ACAD10: variants seen among roughly 807,000 people sequenced by gnomAD.
ACAD10 encodes acyl-CoA dehydrogenase family member 10.
In ACAD10, 112 loss-of-function variants were observed where a neutral mutation model predicts 116.8. That is an observed-to-expected ratio of 0.96 (90% confidence interval 0.82 to 1.12). ACAD10 has a LOEUF of 1.12. Ranked by LOEUF, ACAD10 falls within the 50% of genes most tolerant of loss-of-function variation. The pLI, the probability that ACAD10 is intolerant of heterozygous loss-of-function variation, is 0.00. For missense variants in ACAD10, 1,259 were observed against 1,350.2 expected, an observed-to-expected ratio of 0.93 and a Z score of 1.06; for synonymous variants, 486 against 510.6, an observed-to-expected ratio of 0.95 and a Z score of 0.65.
intron 12 of ACAD10, among the ~76,000 whole-genome samples, chr12:111,739,099 A>G (rs1219131294): frequency 6.6e-6 from 1 of 152,200 alleles, no homozygotes; most frequent in Non-Finnish European, 1.5e-5. Context: ...CTAGAGAAGT[A>G]TCCTGGACAG....
chr12:111,691,156 C>T (rs534233216), intron 1 of ACAD10: 6 of 152,134 alleles, frequency 3.9e-5, no homozygotes, highest in African/African-American at 9.6e-5. Flanking sequence ...TCTCTATACA[C>T]GAGTGTATAT....
chr12:111,746,091 A>G (rs556081152), intron 13 of ACAD10, 53 bp from the exon 14 acceptor site: 2 of 1,591,434 alleles, frequency 1.3e-6, no homozygotes, highest in East Asian at 2.2e-5. Context: ...CCACGGTTCA[A>G]AATAAAATGA....
At chr12:111,743,058 A>G (rs988126983) in intron 12 of ACAD10, among the ~76,000 whole-genome samples, 1 of 152,210 alleles carries the variant, frequency 6.6e-6, no homozygotes, top group Admixed American at 6.5e-5. Context: ...AGAACTATCA[A>G]TTTATCCATT....
chr12:111,752,898 C>G (rs1465940678), intron 18 of ACAD10: 1 of 148,366 alleles, frequency 6.7e-6, no homozygotes, highest in East Asian at 2.0e-4. Flanking sequence ...AATCCCAACA[C>G]TTGGGGAGAC....
chr12:111,690,800 G>C (rs1217799303), intron 1 of ACAD10, among the ~76,000 whole-genome samples: 1 of 140,954 alleles, frequency 7.1e-6, no homozygotes, highest in Admixed American at 7.0e-5. Context: ...AAAAAAAAAA[G>C]AGTTTCTGAT....
intron 8 of ACAD10, among the ~76,000 whole-genome samples, chr12:111,724,835 AAG>A (rs1479947389): frequency 6.8e-6 from 1 of 147,450 alleles, no homozygotes; most frequent in Non-Finnish European, 1.5e-5. Flanking sequence ...AGACCGTGGA[AAG>A]AGAGGGAGAG....
At chr12:111,703,359 G>A (rs1888405847) in intron 3 of ACAD10, among the ~76,000 whole-genome samples, 1 of 152,046 alleles carries the variant, frequency 6.6e-6, no homozygotes, top group Non-Finnish European at 1.5e-5. Flanking sequence ...CTTTTTTAAA[G>A]CAATAATAAT....
intron 12 of ACAD10, among the ~76,000 whole-genome samples, chr12:111,740,240 G>GATC (rs1277026118): frequency 1.3e-5 from 2 of 152,190 alleles, no homozygotes; most frequent in Non-Finnish European, 2.9e-5. Context: ...GAAGTAGGTG[G>GATC]ATCACCTGAG....
chr12:111,707,783 C>T (rs1888552220), intron 4 of ACAD10, among the ~76,000 whole-genome samples: 1 of 152,180 alleles, frequency 6.6e-6, no homozygotes, highest in Non-Finnish European at 1.5e-5. Flanking sequence ...TGTATTTGTA[C>T]CCTTCGTTGG....
At position 111,747,125 on chromosome 12, in the gene ACAD10, G is replaced by A. The variant is rs775714851; in HGVS notation, c.2333G>A (p.Arg778His). 1.2e-6 allele frequency: 2 copies of A among 1,613,298 alleles called. No individual in the cohort carries two copies. The highest frequency in any genetic ancestry group is 1.7e-6 in the Non-Finnish European group (2 of 1,179,454). Reference protein sequence around the residue: ...VRYGTEAQKARWLIPLLEGKA... With the variant: ...VRYGTEAQKAHWLIPLLEGKA... ...TATGGCACCGAAGCGCAGAAGGCTC[G>A]CTGGCTGATTCCTCTGCTGGAGGGG... Residue 778 changes from arginine to histidine, a missense_variant, in exon 15 of 21, where the codon CGC (arginine) becomes CAC (histidine). Arg to His is a conservative substitution (Grantham distance 29). Coordinates refer to ENST00000313698, the MANE Select transcript of ACAD10 (RefSeq NM_025247.6).
At chr12:111,692,034 T>C (rs1888058985) in intron 1 of ACAD10, among the ~76,000 whole-genome samples, 1 of 152,154 alleles carries the variant, frequency 6.6e-6, no homozygotes, top group East Asian at 1.9e-4. Flanking sequence ...AATGGCACGA[T>C]CTTGGCTCAC....
At chr12:111,749,064 T>A in intron 17 of ACAD10, 109 bp from the exon 18 acceptor site, 1 of 1,613,268 alleles carries the variant, frequency 6.2e-7, no homozygotes, top group Non-Finnish European at 8.5e-7. Context: ...GAAGGCTAAA[T>A]AAAGGGCAGG....
chr12:111,716,029 C>T, intron 7 of ACAD10, 67 bp downstream of exon 7: 3 of 1,592,044 alleles, frequency 1.9e-6, no homozygotes, highest in South Asian at 1.1e-5. Context: ...CAGCCCTAAA[C>T]TGAAAAGTCA....
chr12:111,746,993 C>T (rs1889922166), intron 14 of ACAD10, 56 bp from the exon 15 acceptor site: 1 of 1,519,220 alleles, frequency 6.6e-7, no homozygotes, highest in South Asian at 1.3e-5. Flanking sequence ...GAGCTTGACT[C>T]TGTTTTTTTT....
rs555529645 is a variant in ACAD10, at chr12:111,725,787, G to A, written c.1062-2175G>A. On this transcript the variant is annotated intron_variant, in intron 8 of 20. Coordinates refer to ENST00000313698, the MANE Select transcript of ACAD10 (RefSeq NM_025247.6). ...TGACCTCAAGTGATCCATCCGCCTC[G>A]GCCTCCCAAAGTGCTGGATTACAGG... is the stretch of plus-strand genomic sequence containing the variant. Among the ~76,000 whole-genome samples the A allele has an allele frequency of 7.5e-4, 113 of 151,600 alleles. 1 individual carries two copies. The highest frequency in any genetic ancestry group is 7.3e-3 in the South Asian group (35 of 4,786).
At chr12:111,735,478 C>T (rs759065687) in intron 11 of ACAD10, among the ~76,000 whole-genome samples, 20 of 149,088 alleles carry the variant, frequency 1.3e-4, no homozygotes, top group South Asian at 6.3e-4. Flanking sequence ...TTTTTTGAGA[C>T]GGAGTCTCGC....
Position 111,744,631 on chromosome 12 carries a change from G to T in ACAD10, c.1715-12G>T. ...GTGGGAGTAATCACTGTTTTTCTTT[G>T]ATTCTGCTTAGGGCAAGCAAGCTCC... On this transcript the variant is annotated splice_polypyrimidine_tract_variant and intron_variant, in intron 12 of 20. Transcript: ENST00000313698. 1.2e-6 allele frequency: 2 copies of T among 1,600,568 alleles called. No individual in the cohort carries two copies. The highest frequency in any genetic ancestry group is 1.1e-5 in the South Asian group (1 of 89,374).
chr12:111,713,964 C>T (rs114994312), intron 6 of ACAD10, among the ~76,000 whole-genome samples: 1,879 of 151,354 alleles, frequency 0.012, 42 homozygotes, highest in African/African-American at 0.044. Flanking sequence ...AATAATGTTG[C>T]TGGGTGTGGT....
chr12:111,723,801 C>G (rs1216087903), intron 8 of ACAD10, among the ~76,000 whole-genome samples: 1 of 149,996 alleles, frequency 6.7e-6, no homozygotes, highest in Non-Finnish European at 1.5e-5. Context: ...GGGGCGGCTG[C>G]CGGGCGGAGG....
Sources: allele counts gnomAD v4.1 joint callset (sites outside exome capture counted in the v4.1 genomes callset), GRCh38; gene constraint gnomAD v4.1.1; transcripts MANE v1.5; gene names NCBI Gene and HGNC (gene_info 2026-07-23, HGNC 2026-07-21).